Variants in KATNB1 observed in about 807,000 individuals in gnomAD.
KATNB1 encodes katanin p80 WD40 repeat-containing subunit B1.
KATNB1 carries 38 observed loss-of-function variants against 82.3 expected under a neutral mutation model. The ratio of observed to expected loss-of-function variants is 0.46; its 90% CI spans 0.36 to 0.61. The LOEUF is 0.61. Among genes scored for constraint, KATNB1 ranks in the 20% least tolerant of loss-of-function variants. The pLI, the probability that KATNB1 is intolerant of heterozygous loss-of-function variation, is 0.00. For missense variants in KATNB1, 749 were observed against 915.7 expected (o/e 0.82, Z 2.35); for synonymous variants, 361 against 368.7 (o/e 0.98, Z 0.24).
Position 57,750,838 on chromosome 16 carries a change from C to T in KATNB1, c.301C>T (p.Leu101Phe), listed in dbSNP as rs944816409. 1.2e-6 allele frequency: 2 copies of T among 1,614,088 alleles called. No individual in the cohort carries two copies. The highest frequency in any genetic ancestry group is 1.7e-6 in the Non-Finnish European group (2 of 1,179,944). The change falls in exon 5 of 20, where the codon CTC (leucine) becomes TTC (phenylalanine). Residue 101 changes from leucine (L) to phenylalanine (F), a missense_variant. Around this residue, in one of 3 missense-constraint regions of KATNB1, gnomAD observed 247 missense variants for 349.4 expected, o/e 0.71. Transcript: ENST00000379661. ...TTCCTTCTTGTTAGTTCTTCGCACA[C>T]TCATGGGACACAAAGCCAACATCTG... is the stretch of plus-strand genomic sequence containing the variant. ...DLEAAKILRTLMGHKANICSL... is the reference protein window; with the variant it reads ...DLEAAKILRTFMGHKANICSL...
chr16:57,736,551 C>T (rs746459388), intron 1 of KATNB1, among the ~76,000 whole-genome samples: 1 of 152,138 alleles, frequency 6.6e-6, no homozygotes, highest in Non-Finnish European at 1.5e-5. Context: ...GAGATTCTTT[C>T]CAAGGAGGAC....
intron 4 of KATNB1, among the ~76,000 whole-genome samples, chr16:57,750,538 A>G (rs1173769747): frequency 6.6e-6 from 1 of 152,106 alleles, no homozygotes; most frequent in Non-Finnish European, 1.5e-5. Flanking sequence ...AGGCAGGAGA[A>G]TTGCTTGAAC....
At chr16:57,749,703 A>G (rs2148793473) in intron 4 of KATNB1, among the ~76,000 whole-genome samples, 1 of 152,334 alleles carries the variant, frequency 6.6e-6, no homozygotes, top group Admixed American at 6.5e-5. Context: ...GGACACCCTG[A>G]AACACACAAG....
At chr16:57,740,711 C>T (rs970625570) in intron 2 of KATNB1, among the ~76,000 whole-genome samples, 2 of 152,226 alleles carry the variant, frequency 1.3e-5, no homozygotes, top group Non-Finnish European at 2.9e-5. Flanking sequence ...TCCTCCGAGG[C>T]TCCTGTCTGC....
At chr16:57,742,589 G>T (rs1267586313) in intron 3 of KATNB1, among the ~76,000 whole-genome samples, 1 of 152,204 alleles carries the variant, frequency 6.6e-6, no homozygotes, top group African/African-American at 2.4e-5. Flanking sequence ...GTGCAGCCTG[G>T]TTTTTAAAAA....
At chr16:57,756,537 G>T in intron 19 of KATNB1, 65 bp downstream of exon 19, 1 of 1,418,728 alleles carries the variant, frequency 7.0e-7, no homozygotes, top group Non-Finnish European at 9.8e-7. Context: ...AGGCCTGGAG[G>T]CCTGGGCCCC....
At chr16:57,746,258 G>T (rs782677195) in intron 4 of KATNB1, among the ~76,000 whole-genome samples, 9 of 152,152 alleles carry the variant, frequency 5.9e-5, no homozygotes, top group Non-Finnish European at 8.8e-5. Flanking sequence ...TGCCTTTTAG[G>T]TTCTAGGTTG....
intron 19 of KATNB1, 36 bp from the exon 20 acceptor site, chr16:57,756,778 T>G: frequency 6.6e-7 from 1 of 1,505,922 alleles, no homozygotes; most frequent in Non-Finnish European, 8.9e-7. Context: ...GTGGTGGTGG[T>G]GCCAGCTAGC....
chr16:57,736,286 G>A (rs1231664486), intron 1 of KATNB1, among the ~76,000 whole-genome samples: 2 of 152,102 alleles, frequency 1.3e-5, no homozygotes, highest in Non-Finnish European at 2.9e-5. Flanking sequence ...AAGGGGGTGT[G>A]AACGGAGGAC....
chr16:57,739,807 T>G lies in KATNB1; in HGVS notation c.41-1880T>G, dbSNP rs367757510. On this transcript the variant is annotated intron_variant, in intron 2 of 19. Coordinates refer to ENST00000379661, the MANE Select transcript of KATNB1 (RefSeq NM_005886.3). ...CGCCCCCACCACCATCTGATTATAC[T>G]GGGGCATATTTCGTGCAAGGCCTAG... 2.0e-4 allele frequency among the ~76,000 whole-genome samples: 31 copies of G among 152,298 alleles called. No homozygotes were observed. In the South Asian group the frequency reaches 6.0e-3, roughly 30 times the overall value.
At chr16:57,756,285 T>C in intron 18 of KATNB1, 71 bp from the exon 19 acceptor site, 1 of 1,387,020 alleles carries the variant, frequency 7.2e-7, no homozygotes, top group East Asian at 2.3e-5. Flanking sequence ...TCTCCTCCTT[T>C]GTTCCTTGCT....
In KATNB1 at chr16:57,741,818, G is replaced by A; in HGVS notation, c.171+1G>A. 1 of 1,612,844 alleles carries A rather than the reference G, an allele frequency of 6.2e-7. No homozygotes were observed. The highest frequency in any genetic ancestry group is 8.5e-7 in the Non-Finnish European group (1 of 1,179,656). Reference sequence around the variant, plus strand: ...CATCAACAAGCCCAACTGCATCATGGTGAGCCCCGACAGCTGGCGGGGGGT... The same window carrying A: ...CATCAACAAGCCCAACTGCATCATGATGAGCCCCGACAGCTGGCGGGGGGT... On this transcript the variant is annotated splice_donor_variant, in intron 3 of 19. Transcript: ENST00000379661. LOFTEE classifies it high-confidence loss of function.
intron 9 of KATNB1, 71 bp from the exon 10 acceptor site, chr16:57,752,707 C>T: frequency 6.4e-7 from 1 of 1,570,476 alleles, no homozygotes; most frequent in South Asian, 1.2e-5. Flanking sequence ...TGCCCTGGGC[C>T]CTCTGGATTC....
intron 2 of KATNB1, among the ~76,000 whole-genome samples, chr16:57,739,108 C>G (rs2049124489): frequency 6.6e-6 from 1 of 152,098 alleles, no homozygotes; most frequent in South Asian, 2.1e-4. Context: ...GCCGCACGGA[C>G]CTACTGAGTT....
At chr16:57,754,889 C>A (rs782517746) in intron 13 of KATNB1, 41 bp from the exon 14 acceptor site, 1 of 1,609,744 alleles carries the variant, frequency 6.2e-7, no homozygotes, top group Non-Finnish European at 8.5e-7. Flanking sequence ...CTTGCCAGGC[C>A]CTTCTGGCCG....
Position 57,752,859 on chromosome 16 carries a change from G to A in KATNB1, c.786G>A (p.Glu262=), listed in dbSNP as rs782238863. The change falls in exon 10 of 20, where the codon GAG becomes GAA. Residue 262 remains glutamate (E), a synonymous_variant. Coordinates refer to ENST00000379661, the MANE Select transcript of KATNB1 (RefSeq NM_005886.3). ...DSLRVYGWEP[E]RCFDVVLVNW... ...TGCGTGTCTACGGCTGGGAACCTGA[G>A]CGGTGCTTTGATGTGGTCCTCGTCA... 1.2e-5 allele frequency: 19 copies of A among 1,609,338 alleles called. No individual in the cohort carries two copies. Among genetic ancestry groups the A allele is most frequent in the Non-Finnish European group, 1.5e-5 (18 of 1,179,866 alleles).
At chr16:57,752,717 C>A in intron 9 of KATNB1, 61 bp from the exon 10 acceptor site, 1 of 1,579,144 alleles carries the variant, frequency 6.3e-7, no homozygotes, top group East Asian at 2.3e-5. Context: ...CCTCTGGATT[C>A]CTCGGGGTGG....
rs1343690268 is a variant in KATNB1, at chr16:57,751,916, A to C, written c.517-24A>C. The C allele has an allele frequency of 1.9e-6, 3 of 1,582,206 alleles. No homozygotes were observed. In the East Asian group the frequency reaches 6.7e-5, roughly 35 times the overall value. On this transcript the variant is annotated intron_variant, in intron 7 of 19. Transcript: ENST00000379661. This position sits in a 1 kb window ranked among gnomAD's most constrained non-coding sequence, Gnocchi z 6.3. ...GCAGCCAAGATGCCTGGTCACCCTG[A>C]CCTCCTCCCTGCCCTGCCTCCAGCT...
intron 10 of KATNB1, 70 bp from the exon 11 acceptor site, chr16:57,753,006 AC>A: frequency 1.3e-6 from 2 of 1,583,674 alleles, no homozygotes; most frequent in South Asian, 1.1e-5. Context: ...CCCTCCTCCT[AC>A]CCCCACACTG....
Sources: gnomAD v4.1 joint callset for allele counts (sites outside exome capture counted in the v4.1 genomes callset) on GRCh38, gnomAD v4.1.1 for gene constraint, gnomAD v4.1.1 regional missense constraint, Gnocchi (gnomAD v3.1) non-coding constraint, MANE v1.5 for transcripts, NCBI Gene and HGNC (gene_info 2026-07-23, HGNC 2026-07-21) for gene names.